RAB3C: variants seen among roughly 807,000 people sequenced by gnomAD.
RAB3C encodes RAB3C, member RAS oncogene family, also known as ras-related protein Rab-3C.
RAB3C carries 17 observed loss-of-function variants against 26.4 expected under a neutral mutation model. That is an observed-to-expected ratio of 0.64 (90% CI 0.44 to 0.97). The LOEUF is 0.97. RAB3C is among the 50% of genes least tolerant of loss of function. The pLI is 0.00. For missense variants in RAB3C, 242 were observed against 281.9 expected (o/e 0.86, Z 1.01); for synonymous variants, 91 against 95.9 (o/e 0.95, Z 0.30).
chr5:58,742,240 T>A (rs1032770503), intron 3 of RAB3C, among the ~76,000 whole-genome samples: 4 of 152,186 alleles, frequency 2.6e-5, no homozygotes, highest in Non-Finnish European at 5.9e-5. Context: ...CAAATTTTGC[T>A]TTTCAAATCA....
rs1007574194 is a variant in RAB3C, at chr5:58,857,899, A to G, written c.*6548A>G. On this transcript the variant is annotated 3_prime_UTR_variant, in exon 5 of 5. Transcript: ENST00000282878. The stretch of plus-strand genomic sequence containing the variant: ...AGATAACGAAAAGCTATAAATGTTT[A>G]TGTATGTGAATTTTAAATTAGAATA... 3.3e-5 allele frequency: 5 copies of G among 152,218 alleles called. No homozygotes were observed. The highest frequency in any genetic ancestry group is 1.2e-4 in the African/African-American group (5 of 41,470). The allele number at this position is 152,218 out of a possible 1,614,324, so 9.4% of individuals were successfully genotyped here.
chr5:58,773,499 A>G (rs1275818459), intron 3 of RAB3C, among the ~76,000 whole-genome samples: 4 of 152,148 alleles, frequency 2.6e-5, no homozygotes, highest in South Asian at 2.1e-4. Flanking sequence ...TCAGCTTTCA[A>G]GGTGTGTTTG....
At chr5:58,774,025 C>G (rs1481049034) in intron 3 of RAB3C, among the ~76,000 whole-genome samples, 1 of 152,098 alleles carries the variant, frequency 6.6e-6, no homozygotes, top group Non-Finnish European at 1.5e-5. Context: ...TCTTCACATG[C>G]TTCCTGGAGC....
chr5:58,806,372 G>A (rs914819455), intron 3 of RAB3C, among the ~76,000 whole-genome samples: 2 of 152,074 alleles, frequency 1.3e-5, no homozygotes, highest in Non-Finnish European at 2.9e-5. Flanking sequence ...AAGGAACTCA[G>A]GCAACCAATA....
intron 3 of RAB3C, among the ~76,000 whole-genome samples, chr5:58,752,651 A>G (rs1039302899): frequency 6.6e-6 from 1 of 152,074 alleles, no homozygotes; most frequent in Admixed American, 6.5e-5. Flanking sequence ...TTGCTGATGG[A>G]CTTTCTCCAG....
At chr5:58,619,981 T>G (rs1746901115) in intron 2 of RAB3C, among the ~76,000 whole-genome samples, 1 of 151,834 alleles carries the variant, frequency 6.6e-6, no homozygotes, top group Non-Finnish European at 1.5e-5. Context: ...CTCTAATACC[T>G]CCTCATGCTG....
Position 58,787,683 on chromosome 5 carries a change from A to G in RAB3C, c.372-37355A>G, listed in dbSNP as rs931345568. Among the ~76,000 whole-genome samples the G allele has an allele frequency of 2.6e-5, 4 of 152,164 alleles. No homozygotes were observed. The South Asian group carries it at 8.3e-4, about 32-fold the overall frequency. On this transcript the variant is annotated intron_variant, in intron 3 of 4. Coordinates refer to ENST00000282878, the MANE Select transcript of RAB3C (RefSeq NM_138453.4). ...GAATCACCTTTAGATACCATGAATA[A>G]TAAGCACAGTAAAAGTAACACTAAT...
At chr5:58,799,669 C>T (rs1045532139) in intron 3 of RAB3C, among the ~76,000 whole-genome samples, 1 of 152,182 alleles carries the variant, frequency 6.6e-6, no homozygotes, top group Non-Finnish European at 1.5e-5. Flanking sequence ...TCTCAGTCTC[C>T]TCACTCAGGG....
At chr5:58,680,259 C>G (rs1445263896) in intron 2 of RAB3C, among the ~76,000 whole-genome samples, 3 of 151,992 alleles carry the variant, frequency 2.0e-5, no homozygotes, top group Admixed American at 6.6e-5. Context: ...CTTTGAGATC[C>G]TAGAATCTGA....
upstream of RAB3C, chr5:58,582,273 C>A (rs531551409): frequency 3.0e-6 from 1 of 331,456 alleles, no homozygotes; most frequent in Non-Finnish European, 4.3e-6. Flanking sequence ...TTTTTCTCTC[C>A]GCCAGACGCC....
chr5:58,773,611 A>G (rs757308258), intron 3 of RAB3C, among the ~76,000 whole-genome samples: 4 of 152,144 alleles, frequency 2.6e-5, no homozygotes, highest in Admixed American at 6.5e-5. Flanking sequence ...TTTGTGCAGC[A>G]GTTCACACTG....
intron 3 of RAB3C, among the ~76,000 whole-genome samples, chr5:58,775,007 G>T (rs1051933884): frequency 2.0e-5 from 3 of 152,104 alleles, no homozygotes; most frequent in African/African-American, 7.2e-5. Flanking sequence ...GAGTGGCATG[G>T]TCCAATATAT....
chr5:58,663,428 G>C (rs1336163209), intron 2 of RAB3C, among the ~76,000 whole-genome samples: 2 of 150,134 alleles, frequency 1.3e-5, no homozygotes, highest in African/African-American at 5.1e-5. Flanking sequence ...ATTTCAAAAA[G>C]TGATTTTGGA....
Position 58,856,522 on chromosome 5 carries a change from C to T in RAB3C, c.*5171C>T, listed in dbSNP as rs1744263336. On this transcript the variant is annotated 3_prime_UTR_variant, in exon 5 of 5. Coordinates refer to ENST00000282878, the MANE Select transcript of RAB3C (RefSeq NM_138453.4). ...TTCACCATTTACTTCCCATCAGCAA[C>T]CATTACTGGTGGAGTTTCAAACAGT... 1 of 152,144 alleles carries T rather than the reference C, an allele frequency of 6.6e-6. No individual in the cohort carries two copies. The highest frequency in any genetic ancestry group is 6.5e-5 in the Admixed American group (1 of 15,268). The allele number at this position is 152,144 out of a possible 1,614,324, so 9.4% of individuals were successfully genotyped here. A position where few individuals can be genotyped will look rare whatever the true frequency, so the allele number is the denominator to read the frequency against.
At chr5:58,735,988 G>T (rs1156619469) in intron 3 of RAB3C, among the ~76,000 whole-genome samples, 1 of 152,172 alleles carries the variant, frequency 6.6e-6, no homozygotes, top group Non-Finnish European at 1.5e-5. Context: ...CCTGCCTTGT[G>T]AGAGCCAGGG....
intron 3 of RAB3C, 68 bp downstream of exon 3, chr5:58,726,188 A>G: frequency 1.3e-6 from 1 of 788,596 alleles, no homozygotes; most frequent in Non-Finnish European, 2.1e-6. Context: ...CTTTCTTCCC[A>G]AAGCAGTGAC....
chr5:58,796,537 CAT>C (rs1742653399), intron 3 of RAB3C, among the ~76,000 whole-genome samples: 1 of 152,070 alleles, frequency 6.6e-6, no homozygotes, highest in African/African-American at 2.4e-5. Context: ...AGCCATCCCA[CAT>C]GAGTCAATGG....
intron 2 of RAB3C, among the ~76,000 whole-genome samples, chr5:58,620,649 T>A (rs546535225): frequency 2.6e-5 from 4 of 152,248 alleles, no homozygotes; most frequent in Non-Finnish European, 5.9e-5. Flanking sequence ...CTGAGAAATC[T>A]GCATGTAGGA....
chr5:58,660,367 G>A (rs1219701103), intron 2 of RAB3C, among the ~76,000 whole-genome samples: 2 of 149,950 alleles, frequency 1.3e-5, no homozygotes, highest in Non-Finnish European at 2.9e-5. Flanking sequence ...CTTCCATCAT[G>A]AGAAGTATAA....
Sources: gnomAD v4.1 joint callset for allele counts (sites outside exome capture counted in the v4.1 genomes callset) on GRCh38, gnomAD v4.1.1 for gene constraint, MANE v1.5 for transcripts, NCBI Gene and HGNC (gene_info 2026-07-23, HGNC 2026-07-21) for gene names.